The following KLF8 variants were observed in gnomAD, a reference collection of about 807,000 sequenced individuals.
KLF8 encodes KLF transcription factor 8, also known as Krueppel-like factor 8.
In KLF8, 10 loss-of-function variants were observed where a neutral mutation model predicts 18.2. The observed-to-expected ratio is 0.55, with a 90% CI of 0.34 to 0.93. KLF8 has a LOEUF of 0.93. Ranked by LOEUF, KLF8 falls within the 40% of genes least tolerant of loss-of-function variation. The pLI is 0.02. For missense variants in KLF8, 264 were observed against 277.9 expected, an observed-to-expected ratio of 0.95 and a Z score of 0.36; for synonymous variants, 109 against 97.3, an observed-to-expected ratio of 1.12 and a Z score of -0.71.
chrX:56,258,554 C>T (rs1195536656), intron 2 of KLF8, among the ~76,000 whole-genome samples: 3 of 112,193 alleles, frequency 2.7e-5, no homozygotes, highest in East Asian at 2.8e-4. Context: ...GGATTACAGG[C>T]GTGAGCCACC....
chrX:56,197,646 T>G, the KLF8 span, among the ~76,000 whole-genome samples: 26 of 111,915 alleles, frequency 2.3e-4, 1 homozygote, highest in Admixed American at 1.3e-3. Context: ...CACAGCTGAA[T>G]TCTACCAGAG....
At chrX:56,227,685 C>A (rs1354086706), upstream of KLF8, among the ~76,000 whole-genome samples, 3 of 111,728 alleles carry the variant, frequency 2.7e-5, no homozygotes, top group Non-Finnish European at 5.6e-5. Context: ...CTTGCCCTGA[C>A]TCAGGAATAT....
At position 56,288,747 on chromosome X, in the gene KLF8, A is replaced by G. The variant is rs1277526493; in HGVS notation, c.*4253A>G. Among the ~76,000 whole-genome samples, 1 of 112,830 alleles carries G rather than the reference A, an allele frequency of 8.9e-6. No individual in the cohort carries two copies. The highest frequency in any genetic ancestry group is 3.2e-5 in the African/African-American group (1 of 31,097). On this transcript the variant is annotated 3_prime_UTR_variant, in exon 6 of 6. Coordinates refer to ENST00000468660, the MANE Select transcript of KLF8 (RefSeq NM_007250.5). Reference sequence around the variant, plus strand: ...ACATGCTGTTGGAAAAATGGTGCCAATAGACTTGTTGGTCACAGGGTTGCC... The same window carrying G: ...ACATGCTGTTGGAAAAATGGTGCCAGTAGACTTGTTGGTCACAGGGTTGCC...
At chrX:56,199,165 G>T in the KLF8 span, among the ~76,000 whole-genome samples, 1 of 111,936 alleles carries the variant, frequency 8.9e-6, no homozygotes, top group Non-Finnish European at 1.9e-5. Flanking sequence ...ATACCATTCA[G>T]GAAATAGGCA....
At chrX:56,068,462 T>C in the KLF8 span, among the ~76,000 whole-genome samples, 1 of 111,956 alleles carries the variant, frequency 8.9e-6, no homozygotes, top group East Asian at 2.8e-4. Flanking sequence ...TCCTAGAGCT[T>C]CCTGCTCAGT....
At chrX:56,078,774 G>A in the KLF8 span, among the ~76,000 whole-genome samples, 1 of 111,123 alleles carries the variant, frequency 9.0e-6, no homozygotes, top group Non-Finnish European at 1.9e-5. Context: ...TCTGGTCCTG[G>A]ACTCTTTTTT....
the KLF8 span, among the ~76,000 whole-genome samples, chrX:55,931,815 A>T: frequency 9.0e-6 from 1 of 111,082 alleles, no homozygotes; most frequent in East Asian, 2.8e-4. Context: ...AATAAGTGCA[A>T]TGTGGTGCTG....
the KLF8 span, among the ~76,000 whole-genome samples, chrX:56,168,009 A>G: frequency 8.9e-6 from 1 of 111,828 alleles, no homozygotes; most frequent in African/African-American, 3.2e-5. Context: ...ATATTTTTCC[A>G]CCAGTGGAGA....
chrX:55,919,054 T>G, the KLF8 span, among the ~76,000 whole-genome samples: 5 of 111,422 alleles, frequency 4.5e-5, no homozygotes, highest in African/African-American at 1.3e-4. Context: ...TTCTAAGTCT[T>G]AAAAATCTCA....
chrX:56,210,587 G>A, the KLF8 span, among the ~76,000 whole-genome samples: 1 of 110,990 alleles, frequency 9.0e-6, no homozygotes, highest in South Asian at 3.8e-4. Flanking sequence ...CTTTCTCTAG[G>A]TTTAGGAAGT....
chrX:56,073,026 G>A, the KLF8 span, among the ~76,000 whole-genome samples: 14 of 99,772 alleles, frequency 1.4e-4, no homozygotes, highest in African/African-American at 3.5e-4. Flanking sequence ...TCACTCTGTC[G>A]CCCAGGCTGG....
chrX:56,206,194 G>A, the KLF8 span, among the ~76,000 whole-genome samples: 2 of 111,081 alleles, frequency 1.8e-5, no homozygotes, highest in Non-Finnish European at 3.8e-5. Flanking sequence ...GGTGAGATTT[G>A]GGTGGGGACA....
the KLF8 span, among the ~76,000 whole-genome samples, chrX:56,194,586 C>A: frequency 1.8e-5 from 2 of 112,631 alleles, no homozygotes; most frequent in Non-Finnish European, 3.7e-5. Flanking sequence ...CCCACTGCAG[C>A]TCAACAAGTC....
chrX:56,165,864 A>AC, the KLF8 span, among the ~76,000 whole-genome samples: 1 of 110,665 alleles, frequency 9.0e-6, no homozygotes, highest in Non-Finnish European at 1.9e-5. Flanking sequence ...GTCTCAAAAA[A>AC]AAAAAAAAAG....
At chrX:56,231,798 G>A (rs1048048386), upstream of KLF8, among the ~76,000 whole-genome samples, 2 of 111,332 alleles carry the variant, frequency 1.8e-5, no homozygotes, top group Non-Finnish European at 3.8e-5. Context: ...TTAGAGGTCT[G>A]GTATCTGGGA....
At chrX:56,168,451 A>C in the KLF8 span, among the ~76,000 whole-genome samples, 1 of 112,496 alleles carries the variant, frequency 8.9e-6, no homozygotes, top group Non-Finnish European at 1.9e-5. Context: ...TAGACAAATT[A>C]ATATTGTTAA....
chrX:56,184,819 C>T, the KLF8 span, among the ~76,000 whole-genome samples: 1 of 112,310 alleles, frequency 8.9e-6, no homozygotes, highest in African/African-American at 3.2e-5. Flanking sequence ...AGGGTCCTGT[C>T]TGTTAGAAGG....
chrX:56,284,710 A>G lies in KLF8; in HGVS notation c.*216A>G. 1 of 291,610 alleles carries G rather than the reference A, an allele frequency of 3.4e-6. No homozygotes were observed. The highest frequency in any genetic ancestry group is 4.9e-5 in the East Asian group (1 of 20,248). The allele number at this position is 291,610 out of a possible 1,213,427, so 24.0% of individuals were successfully genotyped here. ...CCACTGTCCAGACCCGTTTTTTTCAACCTCCACATGGGTTGAATTCCAGTG... is the reference window on the plus strand; with the variant it reads ...CCACTGTCCAGACCCGTTTTTTTCAGCCTCCACATGGGTTGAATTCCAGTG... On this transcript the variant is annotated 3_prime_UTR_variant, in exon 6 of 6. Transcript: ENST00000468660.
chrX:55,978,278 C>T, the KLF8 span, among the ~76,000 whole-genome samples: 2 of 111,379 alleles, frequency 1.8e-5, no homozygotes, highest in African/African-American at 3.3e-5. Flanking sequence ...TTTGGAAGAT[C>T]TCACCACTAT....
Sources: allele counts gnomAD v4.1 joint callset (sites outside exome capture counted in the v4.1 genomes callset), GRCh38; gene constraint gnomAD v4.1.1; transcripts MANE v1.5; gene names NCBI Gene and HGNC (gene_info 2026-07-23, HGNC 2026-07-21).